The following RAP1GDS1 variants were observed in gnomAD, a reference collection of about 807,000 sequenced individuals.
The protein encoded by RAP1GDS1 is RAP1, GTP-GDP dissociation stimulator 1.
A neutral mutation model predicts 71.1 loss-of-function variants in RAP1GDS1; 35 were observed. The ratio of observed to expected loss-of-function variants is 0.49; its 90% CI spans 0.38 to 0.65. RAP1GDS1 has a LOEUF of 0.65. RAP1GDS1 is among the 30% of genes least tolerant of loss of function. The pLI is 0.00. For synonymous variants in RAP1GDS1, 229 were observed against 243.1 expected (o/e 0.94, Z 0.54); for missense variants, 663 against 706.1 (o/e 0.94, Z 0.69).
intron 9 of RAP1GDS1, 27 bp downstream of exon 9, chr4:98,417,525 A>G (rs750353514): frequency 6.2e-7 from 1 of 1,605,104 alleles, no homozygotes; most frequent in East Asian, 2.2e-5. Context: ...CTCCTTTGTT[A>G]GTCAAATACT....
At chr4:98,332,941 G>A (rs144254898) in intron 2 of RAP1GDS1, among the ~76,000 whole-genome samples, 102 of 152,098 alleles carry the variant, frequency 6.7e-4, no homozygotes, top group African/African-American at 8.4e-4. Context: ...CAAACCTTTC[G>A]TGAGCTGCAT....
At chr4:98,365,195 T>A (rs1343231531) in intron 4 of RAP1GDS1, among the ~76,000 whole-genome samples, 1 of 152,134 alleles carries the variant, frequency 6.6e-6, no homozygotes, top group Admixed American at 6.5e-5. Context: ...GGAAACCCAA[T>A]TAAAAATTTG....
At chr4:98,297,520 A>G (rs1350607975) in intron 2 of RAP1GDS1, among the ~76,000 whole-genome samples, 1 of 152,172 alleles carries the variant, frequency 6.6e-6, no homozygotes, top group Non-Finnish European at 1.5e-5. Context: ...CATTATTATT[A>G]TATCTACTTT....
At chr4:98,388,270 GCT>G (rs1437257924) in intron 5 of RAP1GDS1, among the ~76,000 whole-genome samples, 7 of 152,152 alleles carry the variant, frequency 4.6e-5, no homozygotes, top group African/African-American at 1.7e-4. Flanking sequence ...GATGTTAGGA[GCT>G]TTATTAGTGT....
At chr4:98,346,035 A>G (rs1310742991) in intron 3 of RAP1GDS1, among the ~76,000 whole-genome samples, 1 of 152,196 alleles carries the variant, frequency 6.6e-6, no homozygotes, top group Non-Finnish European at 1.5e-5. Context: ...TGTTACATGC[A>G]AATTCTTGGA....
At chr4:98,363,202 A>C (rs941795241) in intron 4 of RAP1GDS1, among the ~76,000 whole-genome samples, 2 of 152,038 alleles carry the variant, frequency 1.3e-5, no homozygotes, top group African/African-American at 4.8e-5. Flanking sequence ...AAGTAGAGTA[A>C]TTGAGCTAAG....
chr4:98,283,598 C>A (rs560169765), intron 1 of RAP1GDS1, among the ~76,000 whole-genome samples: 1 of 152,080 alleles, frequency 6.6e-6, no homozygotes, highest in African/African-American at 2.4e-5. Context: ...ACACAGACCC[C>A]TAAGAATTTA....
At chr4:98,284,948 C>T (rs1725758332) in intron 1 of RAP1GDS1, among the ~76,000 whole-genome samples, 1 of 152,128 alleles carries the variant, frequency 6.6e-6, no homozygotes, top group Non-Finnish European at 1.5e-5. Context: ...CTGAGTCACT[C>T]CCAGTCACCC....
At chr4:98,292,185 G>C (rs1727057252) in intron 1 of RAP1GDS1, among the ~76,000 whole-genome samples, 1 of 150,824 alleles carries the variant, frequency 6.6e-6, no homozygotes, top group African/African-American at 2.4e-5. Context: ...AGAGTGCAGT[G>C]GAGCAATCCT....
In RAP1GDS1 at chr4:98,443,015, A is replaced by G. The variant is rs562945756; in HGVS notation, c.*898A>G. The G allele has an allele frequency of 7.6e-6, 1 of 130,730 alleles. No homozygotes were observed. Among genetic ancestry groups the G allele is most frequent in the Non-Finnish European group, 1.4e-5 (1 of 70,742 alleles). 8.1% of individuals were successfully genotyped at this position (130,730 alleles called of 1,614,324 possible). On this transcript the variant is annotated 3_prime_UTR_variant, in exon 15 of 15. Transcript: ENST00000408927. ...TGAGTATAGTTCATTGAAGAATGGA[A>G]TTTTTTTTTTTTTTTTTTTTTTTGC...
intron 6 of RAP1GDS1, among the ~76,000 whole-genome samples, chr4:98,393,235 CTTTTA>C (rs1244474130): frequency 1.1e-4 from 17 of 152,174 alleles, no homozygotes; most frequent in Non-Finnish European, 1.5e-5. Flanking sequence ...TAACATTTTA[CTTTTA>C]TTTTGTCTTC....
chr4:98,404,478 G>A lies in RAP1GDS1; in HGVS notation c.639G>A (p.Glu213=). 4.4e-6 allele frequency: 7 copies of A among 1,585,594 alleles called. No individual in the cohort carries two copies. Among genetic ancestry groups the A allele is most frequent in the Non-Finnish European group, 5.1e-6 (6 of 1,171,732 alleles). Residue 213 remains glutamate, a splice_region_variant and synonymous_variant, in exon 7 of 15, where the codon GAG becomes GAA. Transcript: ENST00000408927. The stretch of plus-strand genomic sequence containing the variant: ...AAGTTTTTCTTTTTTATTTTACAGA[G>A]TCAAGTAAAGAACAGTTTGCCAGTA... ...LVAFGNLAEL[E]SSKEQFASTN...
At chr4:98,301,877 A>T (rs1044068520) in intron 2 of RAP1GDS1, among the ~76,000 whole-genome samples, 7 of 152,148 alleles carry the variant, frequency 4.6e-5, no homozygotes, top group African/African-American at 1.4e-4. Context: ...GGGAGAAATG[A>T]AGTGTTCTGT....
chr4:98,429,130 C>T lies in RAP1GDS1; in HGVS notation c.1441-4806C>T, dbSNP rs1227416643. ...AAAATTAGCCAGGCATGGTGGCGGG[C>T]GCCTGTAGTCCCAGCTACGCTGGAG... On this transcript the variant is annotated intron_variant, in intron 12 of 14. Transcript: ENST00000408927. 5.9e-5 allele frequency among the ~76,000 whole-genome samples: 9 copies of T among 152,008 alleles called. 1 individual carries two copies. In the South Asian group the frequency reaches 6.2e-4, roughly 11 times the overall value.
chr4:98,419,881 C>G lies in RAP1GDS1; in HGVS notation c.1175-138C>G, dbSNP rs76785542. 1.8e-3 allele frequency: 1,701 copies of G among 950,426 alleles called. 20 individuals carry two copies. In the African/African-American group the frequency reaches 0.026, roughly 15 times the overall value. The allele number at this position is 950,426 out of a possible 1,614,324, so 58.9% of individuals were successfully genotyped here. On this transcript the variant is annotated intron_variant, in intron 10 of 14. Coordinates refer to ENST00000408927, the MANE Select transcript of RAP1GDS1 (RefSeq NM_001100427.2). ...AACTGAATTCCATTCTTAAAATTGA[C>G]AAAAAAGTGACAAGATTGTTTCTAA...
chr4:98,303,659 T>G (rs867381797), intron 2 of RAP1GDS1, among the ~76,000 whole-genome samples: 11 of 148,102 alleles, frequency 7.4e-5, no homozygotes, highest in African/African-American at 2.7e-4. Flanking sequence ...TAATATAATA[T>G]AATATAATTG....
intron 7 of RAP1GDS1, among the ~76,000 whole-genome samples, chr4:98,408,694 C>A (rs1260740169): frequency 6.6e-6 from 1 of 152,106 alleles, no homozygotes; most frequent in Non-Finnish European, 1.5e-5. Flanking sequence ...AAAAATTAAT[C>A]ACACCAAATT....
chr4:98,319,547 G>A (rs536318604), intron 2 of RAP1GDS1, among the ~76,000 whole-genome samples: 214 of 152,024 alleles, frequency 1.4e-3, no homozygotes, highest in Non-Finnish European at 2.6e-3. Flanking sequence ...TTGGGAGGCC[G>A]GGGTGAGCAG....
chr4:98,279,268 C>T (rs1213846259), intron 1 of RAP1GDS1, among the ~76,000 whole-genome samples: 1 of 151,650 alleles, frequency 6.6e-6, no homozygotes, highest in Non-Finnish European at 1.5e-5. Flanking sequence ...AATAGGGCCA[C>T]TATATTTTTT....
Sources: gnomAD v4.1 joint callset for allele counts (sites outside exome capture counted in the v4.1 genomes callset) on GRCh38, gnomAD v4.1.1 for gene constraint, MANE v1.5 for transcripts, NCBI Gene and HGNC (gene_info 2026-07-23, HGNC 2026-07-21) for gene names.